The following GDPD5 variants were observed in gnomAD, a reference collection of about 807,000 sequenced individuals.
GDPD5 encodes the protein glycerophosphodiester phosphodiesterase domain containing 5, also known as glycerophosphodiester phosphodiesterase 2.
In GDPD5, 48 loss-of-function variants were observed where a neutral mutation model predicts 75.1. The ratio of observed to expected loss-of-function variants is 0.64; its 90% confidence interval spans 0.51 to 0.81. GDPD5 has a LOEUF of 0.81. GDPD5 is among the 40% of genes least tolerant of loss of function. The pLI is 0.00. For missense variants in GDPD5, 706 were observed against 822.6 expected (o/e 0.86, Z 1.73); for synonymous variants, 336 against 339.0 (o/e 0.99, Z 0.10).
intron 1 of GDPD5, among the ~76,000 whole-genome samples, chr11:75,497,684 A>G (rs1201798392): frequency 6.6e-6 from 1 of 152,220 alleles, no homozygotes; most frequent in East Asian, 1.9e-4. Flanking sequence ...AGATGAGTTA[A>G]TGAGTTTGCA....
chr11:75,483,249 C>T (rs1949956417), intron 2 of GDPD5, among the ~76,000 whole-genome samples: 1 of 152,222 alleles, frequency 6.6e-6, no homozygotes, highest in Non-Finnish European at 1.5e-5. Context: ...GGCCCCTCCC[C>T]AGCCCAAAGT....
At chr11:75,450,370 G>A (rs1007067970) in intron 6 of GDPD5, 2 of 272,956 alleles carry the variant, frequency 7.3e-6, no homozygotes, top group Non-Finnish European at 1.4e-5. Flanking sequence ...CCTCAGCATG[G>A]CACAGCAGAG....
rs75130318 is a variant in GDPD5 at position 75,509,361 on chromosome 11, C to T, written c.-145+15849G>A. On this transcript the variant is annotated intron_variant, in intron 1 of 16. Transcript: ENST00000336898. ...GACACACAGTTCTGGCCTGTGTGTG[C>T]GACTTGTACATAATTCAGAGGCTCC... is the stretch of plus-strand genomic sequence containing the variant. 3.3e-3 allele frequency among the ~76,000 whole-genome samples: 508 copies of T among 152,238 alleles called. 1 individual carries two copies. The highest frequency in any genetic ancestry group is 0.012 in the African/African-American group (483 of 41,526).
intron 9 of GDPD5, among the ~76,000 whole-genome samples, chr11:75,446,775 A>G (rs1284478460): frequency 6.6e-6 from 1 of 152,220 alleles, no homozygotes; most frequent in Non-Finnish European, 1.5e-5. Flanking sequence ...CAGCCCCTCA[A>G]AAACTACCAC....
chr11:75,479,612 C>G (rs1166132143), intron 2 of GDPD5: 1 of 152,196 alleles, frequency 6.6e-6, no homozygotes, highest in South Asian at 2.1e-4. Context: ...GGTATATTCA[C>G]AAGTTGTACA....
chr11:75,444,474 T>TGTGCTCTG lies in GDPD5; in HGVS notation c.735_736insCAGAGCAC (p.Met246GlnfsTer73). ...TGCTCGAGGGCCTTCCGGAAGGACATGAGCGTGTGCTCTGGAGCCAGCTGG... is the reference window on the plus strand; with the variant it reads ...TGCTCGAGGGCCTTCCGGAAGGACATGTGCTCTGGAGCGTGTGCTCTGGAGCCAGCTGG... On this transcript the variant is annotated frameshift_variant, in exon 10 of 17. Coordinates refer to ENST00000336898, the MANE Select transcript of GDPD5 (RefSeq NM_030792.8). LOFTEE classifies it high-confidence loss of function. The TGTGCTCTG allele has an allele frequency of 6.8e-6, 11 of 1,613,706 alleles. No individual in the cohort carries two copies. Among genetic ancestry groups the TGTGCTCTG allele is most frequent in the Non-Finnish European group, 7.6e-6 (9 of 1,179,832 alleles).
chr11:75,521,984 C>T (rs987830963), intron 1 of GDPD5, among the ~76,000 whole-genome samples: 3 of 152,140 alleles, frequency 2.0e-5, no homozygotes, highest in Non-Finnish European at 2.9e-5. Flanking sequence ...CTCCATTAAG[C>T]TTTCTGAAAT....
Position 75,462,762 on chromosome 11 carries a change from C to G in GDPD5, c.221+24G>C, listed in dbSNP as rs774620109. ...GATACCCAGCTCTGGGCCCCTTCCT[C>G]CCCCACCCACTGCCCCTACTCACCA... On this transcript the variant is annotated intron_variant, in intron 4 of 16. Transcript: ENST00000336898. 3 of 1,567,044 alleles carry G rather than the reference C, an allele frequency of 1.9e-6. No homozygotes were observed. In the African/African-American group the frequency reaches 4.1e-5, roughly 21 times the overall value.
chr11:75,496,393 A>G (rs1308685265), intron 1 of GDPD5, among the ~76,000 whole-genome samples: 2 of 152,250 alleles, frequency 1.3e-5, no homozygotes, highest in African/African-American at 2.4e-5. Context: ...CAGAGGAGTG[A>G]GCAGGAGACT....
chr11:75,447,725 G>A (rs990918435), intron 9 of GDPD5, among the ~76,000 whole-genome samples: 4 of 152,178 alleles, frequency 2.6e-5, no homozygotes, highest in African/African-American at 9.7e-5. Context: ...CTGAGTCATG[G>A]AGACAGGAGG....
At chr11:75,481,353 C>A (rs1297800419) in intron 2 of GDPD5, among the ~76,000 whole-genome samples, 2 of 152,226 alleles carry the variant, frequency 1.3e-5, no homozygotes, top group Admixed American at 1.3e-4. Context: ...GAGATTACAG[C>A]CTGCAGTCTG....
chr11:75,477,819 TG>T, intron 2 of GDPD5, 24 bp from the exon 3 acceptor site: 2 of 917,232 alleles, frequency 2.2e-6, no homozygotes, highest in Non-Finnish European at 3.3e-6. Flanking sequence ...CACAGGGCAG[TG>T]AGGCAGGGGA....
intron 9 of GDPD5, chr11:75,448,754 G>A: frequency 8.3e-7 from 1 of 1,209,872 alleles, no homozygotes; most frequent in Non-Finnish European, 1.0e-6. Flanking sequence ...TCTTTGCAGG[G>A]CACTTAGGAC....
chr11:75,477,538 C>G (rs1370153509), intron 3 of GDPD5, 81 bp downstream of exon 3: 1 of 815,760 alleles, frequency 1.2e-6, no homozygotes, highest in Non-Finnish European at 1.9e-6. Flanking sequence ...TCAGCAGAGA[C>G]AGAGCTAAGA....
intron 2 of GDPD5, chr11:75,485,575 T>C (rs1232357879): frequency 3.6e-5 from 5 of 139,316 alleles, no homozygotes; most frequent in Non-Finnish European, 7.8e-5. Flanking sequence ...ACCCAAGAGG[T>C]TAGGTAATTC....
At chr11:75,505,983 T>C (rs1783559) in intron 1 of GDPD5, among the ~76,000 whole-genome samples, 123,740 of 152,130 alleles carry the variant, frequency 0.81, 51,010 homozygotes, top group East Asian at 0.97. Flanking sequence ...TCAGAAGGAA[T>C]GGGGCGGGGC....
rs1592071707 is a variant in GDPD5, at chr11:75,448,691, T to C, written c.714+286A>G. The C allele has an allele frequency of 7.0e-6, 8 of 1,140,142 alleles. No homozygotes were observed. In the East Asian group the frequency reaches 4.1e-4, roughly 58 times the overall value. 70.6% of individuals were successfully genotyped at this position (1,140,142 alleles called of 1,614,324 possible). A position where few individuals can be genotyped will look rare whatever the true frequency, so the allele number is the denominator to read the frequency against. On this transcript the variant is annotated intron_variant, in intron 9 of 16. Transcript: ENST00000336898. ...GGCCCCACACTCAGCATCCATCTCCTGGGCCTTCCTAACTGGCACCTGGGT... is the reference window on the plus strand; with the variant it reads ...GGCCCCACACTCAGCATCCATCTCCCGGGCCTTCCTAACTGGCACCTGGGT...
intron 9 of GDPD5, among the ~76,000 whole-genome samples, chr11:75,448,254 GC>G (rs1949039368): frequency 6.6e-6 from 1 of 152,186 alleles, no homozygotes; most frequent in African/African-American, 2.4e-5. Flanking sequence ...AGATGGCCCT[GC>G]CCAAGGTAAC....
chr11:75,501,213 G>GC (rs1459397831), intron 1 of GDPD5, among the ~76,000 whole-genome samples: 1 of 152,234 alleles, frequency 6.6e-6, no homozygotes, highest in Non-Finnish European at 1.5e-5. Context: ...AGGGGCAAGG[G>GC]CTATACCCTG....
Sources: allele counts gnomAD v4.1 joint callset (sites outside exome capture counted in the v4.1 genomes callset), GRCh38; gene constraint gnomAD v4.1.1; transcripts MANE v1.5; gene names NCBI Gene and HGNC (gene_info 2026-07-23, HGNC 2026-07-21).